PDXDC1: variants seen among roughly 807,000 people sequenced by gnomAD.
PDXDC1 encodes pyridoxal dependent decarboxylase domain containing 1.
PDXDC1 carries 42 observed loss-of-function variants against 100.1 expected under a neutral mutation model. The observed-to-expected ratio is 0.42, with a 90% CI of 0.33 to 0.54. The LOEUF is 0.54. Among genes scored for constraint, PDXDC1 ranks in the 20% least tolerant of loss-of-function variants. The pLI, the probability that PDXDC1 is intolerant of heterozygous loss-of-function variation, is 0.10. For synonymous variants in PDXDC1, 260 were observed against 371.7 expected, an observed-to-expected ratio of 0.70 and a Z score of 3.46; for missense variants, 636 against 979.2, an observed-to-expected ratio of 0.65 and a Z score of 4.68.
At chr16:15,046,411 T>C (rs759135909) in intron 16 of PDXDC1, among the ~76,000 whole-genome samples, 1 of 152,194 alleles carries the variant, frequency 6.6e-6, no homozygotes, top group Non-Finnish European at 1.5e-5. Context: ...AACAGTGGTC[T>C]TGACAGCAGG....
chr16:15,076,393 G>A (rs2045455665), intron 16 of PDXDC1: 1 of 650,438 alleles, frequency 1.5e-6, no homozygotes, highest in East Asian at 2.7e-5. Flanking sequence ...ACTATGCTAA[G>A]TGCTAAATGA....
Position 15,093,923 on chromosome 16 carries a change from G to T in PDXDC1, c.1400-44956G>T, listed in dbSNP as rs1057242739. The T allele has an allele frequency of 8.8e-4, 483 of 547,274 alleles. 2 individuals carry two copies. Among genetic ancestry groups the T allele is most frequent in the Non-Finnish European group, 1.3e-3 (397 of 313,294 alleles). The allele number at this position is 547,274 out of a possible 1,614,324, so 33.9% of individuals were successfully genotyped here. On this transcript the variant is annotated intron_variant, in intron 16 of 16. Coordinates refer to the PDXDC1 transcript ENST00000535621. The stretch of plus-strand genomic sequence containing the variant: ...TCACGAAGAGACACAGTCGGGAAAG[G>T]GGGCCTCCAGAACAGAGAACATAGT...
rs536605500 is a variant in PDXDC1 at position 15,135,641 on chromosome 16, G to A, written c.1400-3238G>A. On this transcript the variant is annotated intron_variant, in intron 16 of 16. Transcript: ENST00000535621. ...GGGGCATGGAGGACGGCCCTGCCAC[G>A]CACTGACCTGTGTCGAAGCCACACA... 71 of 1,581,548 alleles carry A rather than the reference G, an allele frequency of 4.5e-5. No individual in the cohort carries two copies. The African/African-American group carries it at 6.7e-4, about 15-fold the overall frequency.
At chr16:15,146,518 G>A in the PDXDC1 span, among the ~76,000 whole-genome samples, 1 of 152,136 alleles carries the variant, frequency 6.6e-6, no homozygotes, top group South Asian at 2.1e-4. Context: ...AGGCACCAAT[G>A]GGCAAACACC....
chr16:15,041,776 G>A (rs2043826517), downstream of PDXDC1: 1 of 854,122 alleles, frequency 1.2e-6, no homozygotes, highest in Admixed American at 1.7e-5. Flanking sequence ...GCAGCCAACT[G>A]AGTGTGCTCC....
downstream of PDXDC1, chr16:15,041,772 A>C (rs1443711100): frequency 1.3e-5 from 11 of 877,332 alleles, no homozygotes; most frequent in Non-Finnish European, 2.1e-5. Context: ...GACGGCAGCC[A>C]ACTGAGTGTG....
intron 1 of PDXDC1, among the ~76,000 whole-genome samples, chr16:14,993,326 T>C (rs1178701416): frequency 1.6e-5 from 2 of 121,812 alleles, no homozygotes; most frequent in Admixed American, 1.1e-4. Flanking sequence ...CAGTGTATGA[T>C]GTTCCCCTTC....
downstream of PDXDC1, chr16:15,038,606 A>G: frequency 6.2e-7 from 1 of 1,607,024 alleles, no homozygotes; most frequent in Non-Finnish European, 8.5e-7. Context: ...TGGTGCAACC[A>G]GAAATCCACA....
At chr16:15,028,743 A>G in intron 14 of PDXDC1, 135 bp from the exon 15 acceptor site, 1 of 747,544 alleles carries the variant, frequency 1.3e-6, no homozygotes, top group Non-Finnish European at 2.2e-6. Flanking sequence ...CTGTCAGATA[A>G]TACATGAGAA....
intron 16 of PDXDC1, chr16:15,127,714 T>C (rs2047817426): frequency 2.7e-6 from 4 of 1,499,534 alleles, no homozygotes; most frequent in African/African-American, 1.4e-5. Flanking sequence ...AACAGCCCCG[T>C]ACCACACGGC....
chr16:15,092,024 A>T (rs2046151119), intron 16 of PDXDC1, among the ~76,000 whole-genome samples: 1 of 152,204 alleles, frequency 6.6e-6, no homozygotes, highest in South Asian at 2.1e-4. Context: ...TAAAAAAATA[A>T]AAAAATTAGC....
the PDXDC1 span, among the ~76,000 whole-genome samples, chr16:15,146,510 G>T: frequency 1.3e-5 from 2 of 152,100 alleles, no homozygotes; most frequent in African/African-American, 4.8e-5. Flanking sequence ...GCGTCAAAAG[G>T]CACCAATGGG....
Position 15,070,492 on chromosome 16 carries a change from C to T in PDXDC1, c.1399+40436C>T, listed in dbSNP as rs541382513. 3.3e-5 allele frequency among the ~76,000 whole-genome samples: 5 copies of T among 152,028 alleles called. No individual in the cohort carries two copies. In the East Asian group the frequency reaches 9.7e-4, roughly 29 times the overall value. On this transcript the variant is annotated intron_variant, in intron 16 of 16. Coordinates refer to the PDXDC1 transcript ENST00000535621. ...TGACCTTCTAGGAACAGGTGAGCCC[C>T]TAAGAACGTCCCAAGGGATGGAAAG...
intron 16 of PDXDC1, chr16:15,130,515 C>T (rs1265749171): frequency 2.9e-5 from 39 of 1,339,766 alleles, no homozygotes; most frequent in Non-Finnish European, 3.6e-5. Context: ...TATCGGAGTC[C>T]CAGAGCCCAT....
At chr16:15,125,624 G>T (rs3863417) in intron 16 of PDXDC1, 5 of 1,182,540 alleles carry the variant, frequency 4.2e-6, no homozygotes, top group Admixed American at 3.4e-5. Flanking sequence ...CACAGTGTCT[G>T]GAGTCCAAGC....
At chr16:15,056,607 C>T (rs1226460679) in intron 16 of PDXDC1, among the ~76,000 whole-genome samples, 1 of 152,066 alleles carries the variant, frequency 6.6e-6, no homozygotes, top group East Asian at 1.9e-4. Flanking sequence ...GAGACCCACC[C>T]TCCCCCATAC....
chr16:14,990,327 C>T (rs1970490609), intron 1 of PDXDC1, among the ~76,000 whole-genome samples: 1 of 152,250 alleles, frequency 6.6e-6, no homozygotes, highest in Admixed American at 6.5e-5. Flanking sequence ...CCTCCTTCTC[C>T]TACAATTTAA....
chr16:14,993,627 G>A (rs1277279748), intron 1 of PDXDC1, among the ~76,000 whole-genome samples: 2 of 152,290 alleles, frequency 1.3e-5, no homozygotes, highest in East Asian at 1.9e-4. Flanking sequence ...CTTTATAGCG[G>A]CATGATTTAT....
rs1186621857 is a variant in PDXDC1, at chr16:15,125,494, G to A, written c.1400-13385G>A. 2.9e-5 allele frequency: 36 copies of A among 1,254,880 alleles called. No individual in the cohort carries two copies. In the Middle Eastern group the frequency reaches 8.0e-4, roughly 28 times the overall value. 77.7% of individuals were successfully genotyped at this position (1,254,880 alleles called of 1,614,324 possible). Reference sequence around the variant, plus strand: ...AAGGACACGCAGCCCGCACACCCCCGGTACTCCAGACACAGTGACCTGCAC... The same window carrying A: ...AAGGACACGCAGCCCGCACACCCCCAGTACTCCAGACACAGTGACCTGCAC... On this transcript the variant is annotated intron_variant, in intron 16 of 16. Coordinates refer to the PDXDC1 transcript ENST00000535621.
Sources: allele counts gnomAD v4.1 joint callset (sites outside exome capture counted in the v4.1 genomes callset), GRCh38; gene constraint gnomAD v4.1.1; transcripts MANE v1.5; gene names NCBI Gene and HGNC (gene_info 2026-07-23, HGNC 2026-07-21).